CSMD1: variants seen among roughly 807,000 people sequenced by gnomAD.
CSMD1 encodes the protein CUB and sushi domain-containing protein 1.
In CSMD1, 213 loss-of-function variants were observed where a neutral mutation model predicts 417.5. That is an observed-to-expected ratio of 0.51 (90% CI 0.46 to 0.57). The LOEUF is 0.57. Ranked by LOEUF, CSMD1 falls within the 20% of genes least tolerant of loss-of-function variation. The pLI is 0.00. For synonymous variants in CSMD1, 2,862 were observed against 1,736.8 expected (o/e 1.65, Z -16.11); for missense variants, 6,923 against 4,529.7 (o/e 1.53, Z -15.17).
intron 7 of CSMD1, among the ~76,000 whole-genome samples, chr8:3,634,735 G>C (rs1053044375): frequency 6.6e-5 from 10 of 152,152 alleles, no homozygotes; most frequent in African/African-American, 1.9e-4. Context: ...TCTGGATTGA[G>C]CCATGATTAA....
chr8:3,968,206 AAT>A (rs1491366101), intron 5 of CSMD1, among the ~76,000 whole-genome samples: 3 of 148,752 alleles, frequency 2.0e-5, no homozygotes, highest in Non-Finnish European at 1.5e-5. Flanking sequence ...TAATAATAAT[AAT>A]AAATAATAAA....
chr8:3,833,552 C>A (rs13252603), intron 5 of CSMD1, among the ~76,000 whole-genome samples: 1 of 151,822 alleles, frequency 6.6e-6, no homozygotes, highest in African/African-American at 2.4e-5. Context: ...TTTTTGTGTC[C>A]TAAGTGGTAA....
chr8:4,404,123 C>G (rs896333362), intron 3 of CSMD1, among the ~76,000 whole-genome samples: 4 of 152,126 alleles, frequency 2.6e-5, no homozygotes, highest in Admixed American at 6.6e-5. Context: ...GAATTCCACG[C>G]GAGTGTTTAT....
At chr8:4,339,356 C>G (rs1260104811) in intron 3 of CSMD1, among the ~76,000 whole-genome samples, 3 of 152,054 alleles carry the variant, frequency 2.0e-5, no homozygotes, top group Non-Finnish European at 1.5e-5. Flanking sequence ...ATCAGCTGGT[C>G]AAATAATGAA....
chr8:3,499,893 G>A (rs777056525), intron 10 of CSMD1, among the ~76,000 whole-genome samples: 1 of 152,056 alleles, frequency 6.6e-6, no homozygotes, highest in Non-Finnish European at 1.5e-5. Flanking sequence ...GCAGCCTGAG[G>A]CCCAGAGAAC....
chr8:4,582,656 C>A (rs1158734134), intron 2 of CSMD1, among the ~76,000 whole-genome samples: 1 of 152,340 alleles, frequency 6.6e-6, no homozygotes, highest in Non-Finnish European at 1.5e-5. Context: ...TGAGAGGTGA[C>A]AGCAGGCTGG....
At chr8:3,961,765 G>A (rs1271418579) in intron 5 of CSMD1, among the ~76,000 whole-genome samples, 2 of 152,186 alleles carry the variant, frequency 1.3e-5, no homozygotes, top group African/African-American at 2.4e-5. Context: ...CATGATGAAG[G>A]CATCAGCTTT....
At chr8:4,486,131 A>C (rs900588995) in intron 2 of CSMD1, among the ~76,000 whole-genome samples, 1 of 31,528 alleles carries the variant, frequency 3.2e-5, no homozygotes, top group East Asian at 1.9e-3. Context: ...ACATATATAT[A>C]TATATACATA....
chr8:4,454,323 G>C (rs1010415869), intron 2 of CSMD1, among the ~76,000 whole-genome samples: 1 of 152,238 alleles, frequency 6.6e-6, no homozygotes, highest in Middle Eastern at 3.4e-3. Context: ...CCGCATCCTT[G>C]TCAGTAGACA....
intron 11 of CSMD1, among the ~76,000 whole-genome samples, chr8:3,478,121 A>G (rs1228576277): frequency 6.6e-6 from 1 of 152,244 alleles, no homozygotes; most frequent in East Asian, 1.9e-4. Context: ...GCCTCACTCA[A>G]GTATGGCAGA....
intron 5 of CSMD1, among the ~76,000 whole-genome samples, chr8:3,874,360 T>C (rs1210713876): frequency 6.6e-6 from 1 of 152,204 alleles, no homozygotes; most frequent in African/African-American, 2.4e-5. Context: ...ATTGTCTGTA[T>C]TTAGAACTCT....
intron 54 of CSMD1, among the ~76,000 whole-genome samples, chr8:2,992,826 C>T (rs1428157807): frequency 6.6e-6 from 1 of 152,106 alleles, no homozygotes; most frequent in Non-Finnish European, 1.5e-5. Flanking sequence ...TAGCCTTGAC[C>T]TCCCAGGCTC....
At position 4,312,733 on chromosome 8, in the gene CSMD1, G is replaced by T. The variant is rs185223609; in HGVS notation, c.415+107220C>A. 1.5e-3 allele frequency among the ~76,000 whole-genome samples: 221 copies of T among 152,116 alleles called. 1 individual carries two copies. Among genetic ancestry groups the T allele is most frequent in the African/African-American group, 5.2e-3 (214 of 41,472 alleles). ...TTCTACTAACGAAAAAATGAGCCAG[G>T]CGTGGTGGCAGATACCTGTAATCCC... is the stretch of plus-strand genomic sequence containing the variant. On this transcript the variant is annotated intron_variant, in intron 3 of 69. Transcript: ENST00000635120.
chr8:3,602,716 T>TACACACACAC (rs34593924), intron 8 of CSMD1, among the ~76,000 whole-genome samples: 5 of 146,612 alleles, frequency 3.4e-5, no homozygotes, highest in African/African-American at 7.5e-5. Flanking sequence ...CAGGAAGAAT[T>TACACACACAC]ACACACACAC....
intron 3 of CSMD1, among the ~76,000 whole-genome samples, chr8:4,418,141 T>C (rs1797048182): frequency 6.6e-6 from 1 of 152,036 alleles, no homozygotes; most frequent in African/African-American, 2.4e-5. Flanking sequence ...GTTTTTTTCT[T>C]TTAAATAGAG....
At chr8:4,104,725 G>C (rs572996596) in intron 3 of CSMD1, among the ~76,000 whole-genome samples, 2 of 152,196 alleles carry the variant, frequency 1.3e-5, no homozygotes, top group Admixed American at 1.3e-4. Flanking sequence ...GTCCCAAGAG[G>C]AACTAGGTCA....
intron 2 of CSMD1, among the ~76,000 whole-genome samples, chr8:4,424,647 C>T (rs928829840): frequency 1.3e-5 from 2 of 152,000 alleles, no homozygotes; most frequent in South Asian, 2.1e-4. Flanking sequence ...CAGAAAACTT[C>T]CGAAGAAGTT....
chr8:4,440,713 T>C (rs1334937220), intron 2 of CSMD1, among the ~76,000 whole-genome samples: 1 of 152,178 alleles, frequency 6.6e-6, no homozygotes, highest in African/African-American at 2.4e-5. Flanking sequence ...TAATTAATTC[T>C]GGCCGGGTGT....
chr8:3,384,645 T>C (rs545020577), intron 18 of CSMD1, among the ~76,000 whole-genome samples: 1 of 141,502 alleles, frequency 7.1e-6, no homozygotes, highest in African/African-American at 2.6e-5. Flanking sequence ...TATATTGCTA[T>C]ATACATATAA....
Sources: gnomAD v4.1 joint callset for allele counts (sites outside exome capture counted in the v4.1 genomes callset) on GRCh38, gnomAD v4.1.1 for gene constraint, MANE v1.5 for transcripts, NCBI Gene and HGNC (gene_info 2026-07-23, HGNC 2026-07-21) for gene names.